Variants in CREB3L1 observed in about 807,000 individuals in gnomAD.
CREB3L1 encodes the protein cAMP responsive element binding protein 3 like 1, also known as cyclic AMP-responsive element-binding protein 3-like protein 1.
In CREB3L1, 33 loss-of-function variants were observed where a neutral mutation model predicts 54.5. The ratio of observed to expected loss-of-function variants is 0.61; its 90% CI spans 0.46 to 0.81. The LOEUF is 0.81. CREB3L1 is among the 30% of genes least tolerant of loss of function. The pLI is 0.00. For synonymous variants in CREB3L1, 284 were observed against 286.4 expected (o/e 0.99, Z 0.08); for missense variants, 656 against 673.3 (o/e 0.97, Z 0.29).
At chr11:46,283,973 G>A (rs1939016551) in intron 1 of CREB3L1, among the ~76,000 whole-genome samples, 1 of 152,134 alleles carries the variant, frequency 6.6e-6, no homozygotes, top group Non-Finnish European at 1.5e-5. Context: ...TTAGGGTGGT[G>A]GGGATGCTGG....
chr11:46,292,301 C>T (rs1278450486), intron 1 of CREB3L1, among the ~76,000 whole-genome samples: 1 of 152,212 alleles, frequency 6.6e-6, no homozygotes, highest in Non-Finnish European at 1.5e-5. Flanking sequence ...TCGGGACGGT[C>T]ATTCCTGGAG....
chr11:46,316,227 A>G (rs1939563707), intron 8 of CREB3L1, 59 bp from the exon 9 acceptor site: 2 of 1,108,226 alleles, frequency 1.8e-6, no homozygotes, highest in East Asian at 5.1e-5. Flanking sequence ...GGAGAGCTCC[A>G]GGAGGCAGAG....
chr11:46,320,330 T>G lies in CREB3L1; in HGVS notation c.1325T>G (p.Leu442Arg), dbSNP rs544539212. Residue 442 changes from leucine to arginine, a missense_variant, in exon 11 of 12, where the codon CTG becomes CGG. Around this residue, in one of 3 missense-constraint regions of CREB3L1, gnomAD observed 240 missense variants for 219.8 expected, o/e 1.09. Transcript: ENST00000621158. ...AGLWEDGRSTLLPMEPPDGWE... is the reference protein window; with the variant it reads ...AGLWEDGRSTRLPMEPPDGWE... ...TTATGGGAAGATGGCCGCAGCACCC[T>G]GCTGCCCATGGAGCCCCCAGATGGC... is the stretch of plus-strand genomic sequence containing the variant. The G allele has an allele frequency of 7.1e-4, 1,138 of 1,612,806 alleles. 19 individuals carry two copies. The South Asian group carries it at 0.011, about 16-fold the overall frequency.
chr11:46,282,034 C>T (rs750432150), intron 1 of CREB3L1, among the ~76,000 whole-genome samples: 15 of 152,090 alleles, frequency 9.9e-5, no homozygotes, highest in Admixed American at 2.0e-4. Context: ...TTTTGCTTCC[C>T]CCAGTGTTGA....
At chr11:46,318,386 T>G (rs1311555556) in intron 10 of CREB3L1, among the ~76,000 whole-genome samples, 2 of 152,180 alleles carry the variant, frequency 1.3e-5, no homozygotes, top group African/African-American at 2.4e-5. Flanking sequence ...AGCATGGGGA[T>G]GTCAAGTCCA....
intron 1 of CREB3L1, among the ~76,000 whole-genome samples, chr11:46,287,951 G>A (rs897031838): frequency 6.6e-6 from 1 of 151,584 alleles, no homozygotes; most frequent in African/African-American, 2.4e-5. Context: ...ACTCCAGCCT[G>A]AGCAACAGAC....
At position 46,278,153 on chromosome 11, in the gene CREB3L1, C is replaced by G; in HGVS notation, c.42C>G (p.Phe14Leu). 2.5e-6 allele frequency: 4 copies of G among 1,572,350 alleles called. No homozygotes were observed. The highest frequency in any genetic ancestry group is 3.5e-6 in the Non-Finnish European group (4 of 1,158,920). The change falls in exon 1 of 12, where the codon TTC (phenylalanine) becomes TTG (leucine). Residue 14 changes from phenylalanine (F) to leucine (L), a missense_variant. Phe to Leu is a conservative substitution (Grantham distance 22, BLOSUM62 0). Coordinates refer to ENST00000621158, the MANE Select transcript of CREB3L1 (RefSeq NM_052854.4). The surrounding 1 kb of genome is among the most constrained non-coding windows in gnomAD (Gnocchi z 4.2). Reference protein sequence around the residue: ...VLEPFPADRLFPGSSFLDLGD... With the variant: ...VLEPFPADRLLPGSSFLDLGD... ...AACCCTTCCCGGCCGACAGGCTGTT[C>G]CCCGGATCCAGCTTCCTGGACTTGG...
At chr11:46,287,782 C>A (rs1344746020) in intron 1 of CREB3L1, among the ~76,000 whole-genome samples, 1 of 151,956 alleles carries the variant, frequency 6.6e-6, no homozygotes, top group Non-Finnish European at 1.5e-5. Context: ...TTGAGAACAG[C>A]CTGACCAACA....
In CREB3L1 at chr11:46,295,486, G is replaced by T. The variant is rs553614509; in HGVS notation, c.103-4449G>T. Among the ~76,000 whole-genome samples the T allele has an allele frequency of 6.6e-6, 1 of 152,192 alleles. No individual in the cohort carries two copies. The highest frequency in any genetic ancestry group is 1.5e-5 in the Non-Finnish European group (1 of 68,024). ...TGAGGGGTTTAGGACACCGTGAGACGGCCAGGCCATTTCTGCCTCGGCCCC... is the reference window on the plus strand; with the variant it reads ...TGAGGGGTTTAGGACACCGTGAGACTGCCAGGCCATTTCTGCCTCGGCCCC... On this transcript the variant is annotated intron_variant, in intron 1 of 11. Transcript: ENST00000621158. The surrounding 1 kb of genome is among the most constrained non-coding windows in gnomAD (Gnocchi z 4.6).
intron 1 of CREB3L1, among the ~76,000 whole-genome samples, chr11:46,292,737 CT>C (rs1187930353): frequency 6.6e-6 from 1 of 152,194 alleles, no homozygotes; most frequent in Non-Finnish European, 1.5e-5. Context: ...AGTAATCCTC[CT>C]TCAGCCTCCT....
intron 1 of CREB3L1, among the ~76,000 whole-genome samples, chr11:46,291,302 T>C (rs998833139): frequency 1.6e-4 from 25 of 152,206 alleles, no homozygotes; most frequent in African/African-American, 5.8e-4. Context: ...AACAGCTACA[T>C]TTAATGAGAG....
intron 1 of CREB3L1, among the ~76,000 whole-genome samples, chr11:46,280,539 G>A (rs1467760935): frequency 2.6e-5 from 4 of 152,092 alleles, no homozygotes; most frequent in African/African-American, 9.7e-5. Flanking sequence ...CTGAAAAATG[G>A]GAATATTAGA....
chr11:46,311,911 G>T (rs546463082), intron 5 of CREB3L1, among the ~76,000 whole-genome samples: 1 of 152,300 alleles, frequency 6.6e-6, no homozygotes, highest in South Asian at 2.1e-4. Context: ...TCCAAGGAGC[G>T]CTGTGTGAGG....
chr11:46,317,264 C>G (rs1311873720), intron 9 of CREB3L1, 97 bp from the exon 10 acceptor site: 10 of 1,519,900 alleles, frequency 6.6e-6, no homozygotes, highest in Non-Finnish European at 8.1e-6. Flanking sequence ...AACGCTAAGA[C>G]TTTTGTGCCT....
chr11:46,305,850 G>A (rs1326704896), intron 2 of CREB3L1, among the ~76,000 whole-genome samples: 1 of 150,458 alleles, frequency 6.6e-6, no homozygotes, highest in Admixed American at 6.7e-5. Context: ...CCATTCTCCT[G>A]CCTCAGCGTC....
Position 46,321,385 on chromosome 11 carries a change from G to T in CREB3L1, c.*639G>T. 2 of 159,326 alleles carry T rather than the reference G, an allele frequency of 1.3e-5. No homozygotes were observed. The highest frequency in any genetic ancestry group is 2.3e-4 in the South Asian group (1 of 4,426). 9.9% of individuals were successfully genotyped at this position (159,326 alleles called of 1,614,324 possible). ...TCAGCTCAGCACATGCTTTAAGAAA[G>T]CAAAACCAAAAAAAAAAAAAAAAAG... On this transcript the variant is annotated 3_prime_UTR_variant, in exon 12 of 12. Transcript: ENST00000621158.
At chr11:46,282,519 C>T (rs550657307) in intron 1 of CREB3L1, among the ~76,000 whole-genome samples, 2 of 152,258 alleles carry the variant, frequency 1.3e-5, no homozygotes, top group African/African-American at 4.8e-5. Flanking sequence ...AAGACTAAGC[C>T]TTTTCCAGCC....
At chr11:46,294,328 G>T (rs1447190986) in intron 1 of CREB3L1, among the ~76,000 whole-genome samples, 1 of 152,120 alleles carries the variant, frequency 6.6e-6, no homozygotes, top group Non-Finnish European at 1.5e-5. Flanking sequence ...CTCAGGGAGG[G>T]ACTGGCTCCA....
At chr11:46,294,896 G>A (rs771733093) in intron 1 of CREB3L1, among the ~76,000 whole-genome samples, 29 of 151,926 alleles carry the variant, frequency 1.9e-4, no homozygotes, top group Non-Finnish European at 3.4e-4. Context: ...GAAAGAAAGG[G>A]GGAAATGTGA....
Sources: gnomAD v4.1 joint callset for allele counts (sites outside exome capture counted in the v4.1 genomes callset) on GRCh38, gnomAD v4.1.1 for gene constraint, gnomAD v4.1.1 regional missense constraint, Gnocchi (gnomAD v3.1) non-coding constraint, MANE v1.5 for transcripts, NCBI Gene and HGNC (gene_info 2026-07-23, HGNC 2026-07-21) for gene names.